GXYLT2: variants seen among roughly 807,000 people sequenced by gnomAD.
GXYLT2 encodes the protein glucoside xylosyltransferase 2, also known as glycosyltransferase 8 domain containing 4.
A neutral mutation model predicts 45.8 loss-of-function variants in GXYLT2; 53 were observed. That is an observed-to-expected ratio of 1.16 (90% confidence interval 0.93 to 1.46). The LOEUF is 1.46. Ranked by LOEUF, GXYLT2 falls within the 40% of genes most tolerant of loss-of-function variation. The pLI, the probability that GXYLT2 is intolerant of heterozygous loss-of-function variation, is 0.00. For missense variants in GXYLT2, 551 were observed against 544.4 expected, an observed-to-expected ratio of 1.01 and a Z score of -0.12; for synonymous variants, 219 against 214.2, an observed-to-expected ratio of 1.02 and a Z score of -0.19.
At chr3:72,915,899 G>T (rs1875628) in intron 2 of GXYLT2, among the ~76,000 whole-genome samples, 39,767 of 151,834 alleles carry the variant, frequency 0.26, 9,975 homozygotes, top group African/African-American at 0.66. Context: ...GCCCAGCAGT[G>T]TCAGGGATGT....
At chr3:72,923,748 G>A (rs1047124507) in intron 3 of GXYLT2, among the ~76,000 whole-genome samples, 1 of 152,158 alleles carries the variant, frequency 6.6e-6, no homozygotes, top group African/African-American at 2.4e-5. Flanking sequence ...TATGTAACAT[G>A]GGGTTCCATC....
At chr3:72,927,092 C>A (rs1709933026) in intron 3 of GXYLT2, 1 of 152,148 alleles carries the variant, frequency 6.6e-6, no homozygotes, top group African/African-American at 2.4e-5. Context: ...TACACACCAC[C>A]ATGCCCAGCT....
intron 1 of GXYLT2, among the ~76,000 whole-genome samples, chr3:72,888,759 T>C (rs1268791235): frequency 1.3e-5 from 2 of 152,222 alleles, no homozygotes; most frequent in Non-Finnish European, 2.9e-5. Flanking sequence ...TTACATTTTT[T>C]AACTGTCAAG....
intron 2 of GXYLT2, among the ~76,000 whole-genome samples, chr3:72,911,162 T>G (rs1709611676): frequency 6.6e-6 from 1 of 151,832 alleles, no homozygotes; most frequent in Admixed American, 6.6e-5. Flanking sequence ...TGTAGTGGAG[T>G]GCGCCATAGT....
chr3:72,975,194 T>C lies in GXYLT2; in HGVS notation c.*35T>C. ...CTTGTTGCAAGTCAATTAGGTGTCT[T>C]GTGACCAAGGAAATACTAATCTCTA... On this transcript the variant is annotated 3_prime_UTR_variant, in exon 7 of 7. Transcript: ENST00000389617. 1.3e-6 allele frequency: 2 copies of C among 1,548,608 alleles called. No individual in the cohort carries two copies. Among genetic ancestry groups the C allele is most frequent in the East Asian group, 2.3e-5 (1 of 44,222 alleles).
At chr3:72,915,665 C>T (rs1044080400) in intron 2 of GXYLT2, among the ~76,000 whole-genome samples, 1 of 151,916 alleles carries the variant, frequency 6.6e-6, no homozygotes, top group African/African-American at 2.4e-5. Flanking sequence ...GGTGAAACCC[C>T]GTCTCTACTA....
At position 72,912,202 on chromosome 3, in the gene GXYLT2, G is replaced by T. The variant is rs556712073; in HGVS notation, c.468+3643G>T. 8.6e-5 allele frequency among the ~76,000 whole-genome samples: 13 copies of T among 151,866 alleles called. No homozygotes were observed. In the South Asian group the frequency reaches 2.5e-3, roughly 29 times the overall value. ...TTTTTGTATTTTTAGTAGAGACAGGGTTTCGTCACATTGGCCAGGCTTGTC... is the reference window on the plus strand; with the variant it reads ...TTTTTGTATTTTTAGTAGAGACAGGTTTTCGTCACATTGGCCAGGCTTGTC... On this transcript the variant is annotated intron_variant, in intron 2 of 6. Transcript: ENST00000389617.
chr3:72,947,895 A>G (rs965923366), intron 3 of GXYLT2, among the ~76,000 whole-genome samples: 5 of 152,314 alleles, frequency 3.3e-5, no homozygotes, highest in South Asian at 4.1e-4. Flanking sequence ...TTTGTTTCAA[A>G]GCCCTCTGGA....
intron 2 of GXYLT2, among the ~76,000 whole-genome samples, chr3:72,914,551 G>A (rs7625999): frequency 0.14 from 21,605 of 151,610 alleles, 2,017 homozygotes; most frequent in African/African-American, 0.26. Flanking sequence ...GTGTGTGCGC[G>A]CGCGCGCTTG....
At chr3:72,892,992 A>C (rs1709210770) in intron 1 of GXYLT2, among the ~76,000 whole-genome samples, 1 of 152,154 alleles carries the variant, frequency 6.6e-6, no homozygotes, top group East Asian at 1.9e-4. Flanking sequence ...CCTAACCACC[A>C]TCATTCCCTA....
chr3:72,963,510 T>G (rs1236245868), intron 5 of GXYLT2, among the ~76,000 whole-genome samples: 3 of 150,512 alleles, frequency 2.0e-5, no homozygotes, highest in East Asian at 3.9e-4. Flanking sequence ...GTTTTTTGTT[T>G]TTTTTTTTTT....
chr3:72,914,390 C>T (rs1012174756), intron 2 of GXYLT2, among the ~76,000 whole-genome samples: 2 of 151,982 alleles, frequency 1.3e-5, no homozygotes, highest in Admixed American at 1.3e-4. Context: ...GGTTGAGATT[C>T]GGCTAAACTG....
chr3:72,950,418 G>A (rs1234048491), intron 3 of GXYLT2, among the ~76,000 whole-genome samples: 1 of 152,076 alleles, frequency 6.6e-6, no homozygotes, highest in South Asian at 2.1e-4. Context: ...CCGAGATCAC[G>A]CCATTGCACT....
Position 72,929,272 on chromosome 3 carries a change from A to G in GXYLT2, c.600+6937A>G. The G allele has an allele frequency of 1.4e-6, 2 of 1,395,856 alleles. 1 individual carries two copies. Among genetic ancestry groups the G allele is most frequent in the South Asian group, 2.3e-5 (2 of 86,972 alleles). The allele number at this position is 1,395,856 out of a possible 1,614,324, so 86.5% of individuals were successfully genotyped here. ...AACTGATGACGTTGCAGAACCAACG[A>G]GGTGGCCGAATCTTCCTTCAGGATA... On this transcript the variant is annotated intron_variant, in intron 3 of 6. Transcript: ENST00000389617.
At chr3:72,930,814 G>A (rs190103701) in intron 3 of GXYLT2, among the ~76,000 whole-genome samples, 38 of 151,840 alleles carry the variant, frequency 2.5e-4, no homozygotes, top group Admixed American at 1.9e-3. Flanking sequence ...GGCTGGTCTC[G>A]AACCCCTGGG....
chr3:72,972,953 T>G (rs1452226483), intron 6 of GXYLT2, among the ~76,000 whole-genome samples: 2 of 151,742 alleles, frequency 1.3e-5, no homozygotes, highest in Non-Finnish European at 2.9e-5. Flanking sequence ...TAGTAACAAC[T>G]GGGCGTCATG....
chr3:72,947,634 T>C (rs1024881978), intron 3 of GXYLT2, among the ~76,000 whole-genome samples: 1 of 152,098 alleles, frequency 6.6e-6, no homozygotes, highest in Admixed American at 6.6e-5. Context: ...ACCTTGCCTC[T>C]ACTAAAAATG....
chr3:72,926,535 T>A (rs543698359), intron 3 of GXYLT2, among the ~76,000 whole-genome samples: 2 of 152,386 alleles, frequency 1.3e-5, no homozygotes, highest in African/African-American at 2.4e-5. Flanking sequence ...GGAATACTTT[T>A]ATTTTCTTAG....
intron 1 of GXYLT2, among the ~76,000 whole-genome samples, chr3:72,890,073 C>A (rs1383220048): frequency 6.6e-6 from 1 of 152,166 alleles, no homozygotes; most frequent in South Asian, 2.1e-4. Context: ...GCGTGTGCCA[C>A]CATGCCCAGC....
Sources: gnomAD v4.1 joint callset for allele counts (sites outside exome capture counted in the v4.1 genomes callset) on GRCh38, gnomAD v4.1.1 for gene constraint, MANE v1.5 for transcripts, NCBI Gene and HGNC (gene_info 2026-07-23, HGNC 2026-07-21) for gene names.